The following SYT1 variants were observed in gnomAD, a reference collection of about 807,000 sequenced individuals.
SYT1 encodes the protein synaptotagmin 1.
A neutral mutation model predicts 44.8 loss-of-function variants in SYT1; 8 were observed. The observed-to-expected ratio is 0.18, with a 90% CI of 0.10 to 0.32. SYT1 has a LOEUF of 0.32. Among genes scored for constraint, SYT1 ranks in the 10% least tolerant of loss-of-function variants. SYT1 has a pLI of 1.00. For missense variants in SYT1, 286 were observed against 509.3 expected (o/e 0.56, Z 4.22); for synonymous variants, 154 against 188.8 (o/e 0.82, Z 1.51).
At chr12:78,933,038 A>G (rs1333342990) in intron 1 of SYT1, among the ~76,000 whole-genome samples, 1 of 152,126 alleles carries the variant, frequency 6.6e-6, no homozygotes, top group Non-Finnish European at 1.5e-5. Flanking sequence ...CCTTGGAAAT[A>G]TTTGTTTGAT....
chr12:79,146,901 C>A (rs1386343241), intron 3 of SYT1, among the ~76,000 whole-genome samples: 3 of 152,136 alleles, frequency 2.0e-5, no homozygotes, highest in African/African-American at 7.2e-5. Context: ...AGCACAATGG[C>A]ACGATCTCAG....
At chr12:78,947,363 T>A (rs890471526) in intron 1 of SYT1, among the ~76,000 whole-genome samples, 6 of 152,064 alleles carry the variant, frequency 3.9e-5, no homozygotes, top group African/African-American at 1.4e-4. Context: ...CTAGATTATG[T>A]GCGCATCGTG....
At chr12:79,358,769 G>A (rs1020332149) in intron 9 of SYT1, among the ~76,000 whole-genome samples, 5 of 152,070 alleles carry the variant, frequency 3.3e-5, no homozygotes, top group Admixed American at 1.3e-4. Flanking sequence ...GCCCAAAGCC[G>A]AAACATCAAG....
chr12:79,122,441 G>A (rs1868288242), intron 3 of SYT1, among the ~76,000 whole-genome samples: 1 of 144,764 alleles, frequency 6.9e-6, no homozygotes, highest in South Asian at 2.3e-4. Context: ...GTGAACCCGG[G>A]AGGCGGAGCT....
chr12:79,035,349 T>A (rs1049595084), intron 2 of SYT1, among the ~76,000 whole-genome samples: 5 of 151,716 alleles, frequency 3.3e-5, no homozygotes, highest in African/African-American at 1.2e-4. Context: ...TGTTTGTCAT[T>A]TCACCAACAT....
At chr12:79,101,917 A>C (rs1276457298) in intron 3 of SYT1, among the ~76,000 whole-genome samples, 1 of 152,064 alleles carries the variant, frequency 6.6e-6, no homozygotes, top group Non-Finnish European at 1.5e-5. Flanking sequence ...AATAATAAGT[A>C]AAATTGAAAT....
Position 79,095,375 on chromosome 12 carries a change from T to C in SYT1, c.-18+48013T>C, listed in dbSNP as rs117160267. On this transcript the variant is annotated intron_variant, in intron 3 of 10. Coordinates refer to ENST00000261205, the MANE Select transcript of SYT1 (RefSeq NM_005639.3). ...AAGGATTTTAACTTTGTTCTAAAAC[T>C]GATTTTTATTATTTTAATATTGCCA... Among the ~76,000 whole-genome samples, 7 of 152,074 alleles carry C rather than the reference T, an allele frequency of 4.6e-5. No individual in the cohort carries two copies. The East Asian group carries it at 1.4e-3, about 29-fold the overall frequency.
intron 4 of SYT1, among the ~76,000 whole-genome samples, chr12:79,255,952 G>T (rs901126584): frequency 2.6e-5 from 4 of 152,164 alleles, no homozygotes; most frequent in Non-Finnish European, 5.9e-5. Flanking sequence ...TAGGGAGAAT[G>T]TGTAATCATA....
At chr12:79,180,685 A>T (rs1189315217) in intron 3 of SYT1, among the ~76,000 whole-genome samples, 1 of 151,976 alleles carries the variant, frequency 6.6e-6, no homozygotes, top group Non-Finnish European at 1.5e-5. Context: ...TTAAATGAGC[A>T]GATCTCAAGA....
At chr12:78,877,009 G>A (rs891591563) in intron 1 of SYT1, among the ~76,000 whole-genome samples, 9 of 103,916 alleles carry the variant, frequency 8.7e-5, no homozygotes, top group Non-Finnish European at 1.2e-4. Context: ...AGAATTTTGC[G>A]ATGACATTTT....
At chr12:78,977,254 C>A (rs1868913564) in intron 1 of SYT1, among the ~76,000 whole-genome samples, 1 of 152,136 alleles carries the variant, frequency 6.6e-6, no homozygotes, top group African/African-American at 2.4e-5. Context: ...AGGTAAATAG[C>A]AATGTCTTTC....
At chr12:79,204,151 T>G (rs1873957596) in intron 3 of SYT1, among the ~76,000 whole-genome samples, 2 of 152,204 alleles carry the variant, frequency 1.3e-5, no homozygotes, top group South Asian at 4.1e-4. Context: ...CTCATGAGGT[T>G]TATTTTGTGA....
intron 4 of SYT1, among the ~76,000 whole-genome samples, chr12:79,249,978 T>G (rs1877101253): frequency 6.6e-6 from 1 of 152,178 alleles, no homozygotes; most frequent in Non-Finnish European, 1.5e-5. Context: ...GTCTGGAACC[T>G]GTAATATGAT....
chr12:79,376,441 T>C (rs1883998749), intron 9 of SYT1, among the ~76,000 whole-genome samples: 1 of 152,058 alleles, frequency 6.6e-6, no homozygotes, highest in Non-Finnish European at 1.5e-5. Flanking sequence ...CTGGTGGGAG[T>C]GTAGCAGTGA....
At chr12:79,336,452 C>A (rs1026847575) in intron 8 of SYT1, among the ~76,000 whole-genome samples, 2 of 152,038 alleles carry the variant, frequency 1.3e-5, no homozygotes, top group Non-Finnish European at 2.9e-5. Context: ...TCCTCTATAT[C>A]TTTCTCTATT....
chr12:79,224,640 T>C (rs1044528692), intron 4 of SYT1, among the ~76,000 whole-genome samples: 2 of 152,062 alleles, frequency 1.3e-5, no homozygotes, highest in South Asian at 2.1e-4. Flanking sequence ...TCAATTGTTC[T>C]AAAGAACTTA....
chr12:79,331,087 A>T (rs1226758069), intron 8 of SYT1, among the ~76,000 whole-genome samples: 1 of 152,184 alleles, frequency 6.6e-6, no homozygotes, highest in Non-Finnish European at 1.5e-5. Context: ...TTACCCTCAC[A>T]TGCAATTGAG....
intron 2 of SYT1, among the ~76,000 whole-genome samples, chr12:79,007,503 T>A (rs1264305903): frequency 1.3e-5 from 2 of 152,170 alleles, no homozygotes; most frequent in Non-Finnish European, 2.9e-5. Context: ...CAAAGCTGTT[T>A]AACCATCATG....
At chr12:79,140,556 A>C (rs562436083) in intron 3 of SYT1, among the ~76,000 whole-genome samples, 3 of 152,270 alleles carry the variant, frequency 2.0e-5, no homozygotes, top group East Asian at 3.9e-4. Flanking sequence ...GGCCTAACTG[A>C]CTATAAAAGA....
Sources: gnomAD v4.1 joint callset for allele counts (sites outside exome capture counted in the v4.1 genomes callset) on GRCh38, gnomAD v4.1.1 for gene constraint, MANE v1.5 for transcripts, NCBI Gene and HGNC (gene_info 2026-07-23, HGNC 2026-07-21) for gene names.